CADPS2: variants seen among roughly 807,000 people sequenced by gnomAD.
The protein encoded by CADPS2 is calcium dependent secretion activator 2.
CADPS2 carries 93 observed loss-of-function variants against 172.5 expected under a neutral mutation model. The ratio of observed to expected loss-of-function variants is 0.54; its 90% CI spans 0.46 to 0.64. CADPS2 has a LOEUF of 0.64. CADPS2 is among the 30% of genes least tolerant of loss of function. The probability of loss-of-function intolerance (pLI) is 0.00; values close to 1 mark genes in which losing one functional copy is unlikely to be tolerated. For missense variants in CADPS2, 1,420 were observed against 1,565.9 expected, an observed-to-expected ratio of 0.91 and a Z score of 1.57; for synonymous variants, 546 against 555.2, an observed-to-expected ratio of 0.98 and a Z score of 0.23.
intron 1 of CADPS2, among the ~76,000 whole-genome samples, chr7:122,854,196 C>CA: frequency 6.6e-6 from 1 of 151,922 alleles, no homozygotes; most frequent in Non-Finnish European, 1.5e-5. Flanking sequence ...CTGGTCTCCA[C>CA]AAAAAATACA....
At chr7:122,547,885 C>G (rs976979470) in intron 8 of CADPS2, among the ~76,000 whole-genome samples, 3 of 152,094 alleles carry the variant, frequency 2.0e-5, no homozygotes, top group Admixed American at 1.3e-4. Flanking sequence ...TAGAGTAGAG[C>G]TGGCAAAGGT....
intron 3 of CADPS2, among the ~76,000 whole-genome samples, chr7:122,636,294 T>C (rs2077054546): frequency 6.6e-6 from 1 of 152,118 alleles, no homozygotes; most frequent in African/African-American, 2.4e-5. Context: ...TAGTCTAGTG[T>C]TAATGAATTC....
intron 17 of CADPS2, among the ~76,000 whole-genome samples, chr7:122,425,123 G>A (rs1436725343): frequency 6.6e-6 from 1 of 151,952 alleles, no homozygotes; most frequent in East Asian, 1.9e-4. Context: ...AGTAGCTGGA[G>A]GAGTGCACCA....
At chr7:122,679,343 A>G (rs1322381783) in intron 2 of CADPS2, among the ~76,000 whole-genome samples, 7 of 142,894 alleles carry the variant, frequency 4.9e-5, no homozygotes, top group Admixed American at 7.7e-5. Context: ...AACATGCCCT[A>G]CTCTCCTGCA....
chr7:122,622,162 C>G (rs1214860003), intron 4 of CADPS2, among the ~76,000 whole-genome samples: 1 of 152,082 alleles, frequency 6.6e-6, no homozygotes, highest in East Asian at 1.9e-4. Context: ...AATTTCTTAC[C>G]ACAGATATGC....
At chr7:122,670,463 C>T (rs1249856856) in intron 2 of CADPS2, among the ~76,000 whole-genome samples, 1 of 148,756 alleles carries the variant, frequency 6.7e-6, no homozygotes, top group Non-Finnish European at 1.5e-5. Flanking sequence ...CCCAGCCACT[C>T]GGGAGGCCAA....
At chr7:122,571,926 T>C (rs1245205308) in intron 7 of CADPS2, among the ~76,000 whole-genome samples, 2 of 152,178 alleles carry the variant, frequency 1.3e-5, no homozygotes, top group Non-Finnish European at 2.9e-5. Flanking sequence ...TAATTAACTA[T>C]ACTAATTTTT....
intron 8 of CADPS2, among the ~76,000 whole-genome samples, chr7:122,546,936 C>A (rs1020616448): frequency 6.6e-6 from 1 of 151,898 alleles, no homozygotes; most frequent in Admixed American, 6.6e-5. Context: ...AAAGTGTACA[C>A]CAAATAGAAT....
intron 8 of CADPS2, among the ~76,000 whole-genome samples, chr7:122,528,463 A>T (rs959712092): frequency 1.3e-5 from 2 of 152,130 alleles, no homozygotes; most frequent in African/African-American, 4.8e-5. Flanking sequence ...CCAACTAACA[A>T]ATTCTAGACT....
chr7:122,508,453 T>TG (rs2059782412), intron 9 of CADPS2, among the ~76,000 whole-genome samples: 1 of 109,364 alleles, frequency 9.1e-6, no homozygotes, highest in Non-Finnish European at 1.8e-5. Flanking sequence ...ATTTAAGTTT[T>TG]TTTTTTTTTT....
chr7:122,873,564 CTA>C (rs1820401772), intron 1 of CADPS2, among the ~76,000 whole-genome samples: 1 of 152,156 alleles, frequency 6.6e-6, no homozygotes, highest in African/African-American at 2.4e-5. Context: ...TTTATCCAGT[CTA>C]TGATTGATGG....
At chr7:122,630,360 C>T (rs1350213923) in intron 3 of CADPS2, among the ~76,000 whole-genome samples, 1 of 147,544 alleles carries the variant, frequency 6.8e-6, no homozygotes, top group Non-Finnish European at 1.5e-5. Flanking sequence ...GGTGGTAAGG[C>T]AATTTATATG....
intron 1 of CADPS2, among the ~76,000 whole-genome samples, chr7:122,775,377 G>T (rs2093846074): frequency 6.6e-6 from 1 of 152,218 alleles, no homozygotes; most frequent in Non-Finnish European, 1.5e-5. Context: ...CCCATGGGCT[G>T]TCTTTGCTGC....
At chr7:122,645,327 A>ATG (rs1563947090) in intron 3 of CADPS2, among the ~76,000 whole-genome samples, 1 of 109,640 alleles carries the variant, frequency 9.1e-6, no homozygotes, top group African/African-American at 2.9e-5. Context: ...ATACATGTAC[A>ATG]TATATACACA....
Position 122,514,478 on chromosome 7 carries a change from GC to G in CADPS2, c.1476-1164del, listed in dbSNP as rs375631522. On this transcript the variant is annotated intron_variant, in intron 8 of 29. Coordinates refer to ENST00000449022, the MANE Select transcript of CADPS2 (RefSeq NM_017954.11). ...GCAAAACATAACAAACATACTGTTT[GC>G]CCCCCTCCCCCCTTTAGAAACAGTG... Among the ~76,000 whole-genome samples the G allele has an allele frequency of 2.4e-3, 362 of 151,820 alleles. 2 individuals are homozygous for G. The highest frequency in any genetic ancestry group is 8.3e-3 in the African/African-American group (342 of 41,394).
At chr7:122,393,058 A>C in intron 22 of CADPS2, 138 bp downstream of exon 22, 1 of 1,012,174 alleles carries the variant, frequency 9.9e-7, no homozygotes. Flanking sequence ...TAGCTTAAAA[A>C]CTCAAATAAA....
intron 17 of CADPS2, among the ~76,000 whole-genome samples, chr7:122,432,987 T>C (rs2151907514): frequency 6.6e-6 from 1 of 152,174 alleles, no homozygotes; most frequent in African/African-American, 2.4e-5. Context: ...ATAATATATT[T>C]TTTGGAGACA....
chr7:122,830,019 A>AT (rs992601362), intron 1 of CADPS2, among the ~76,000 whole-genome samples: 4 of 122,336 alleles, frequency 3.3e-5, no homozygotes, highest in African/African-American at 7.7e-5. Context: ...ACAATATCAT[A>AT]TTAAAAAAAA....
chr7:122,552,900 T>G (rs1246983632), intron 8 of CADPS2, among the ~76,000 whole-genome samples: 1 of 151,828 alleles, frequency 6.6e-6, no homozygotes, highest in Non-Finnish European at 1.5e-5. Context: ...ACTCTACTAG[T>G]CTCTAAGCAC....
Sources: allele counts gnomAD v4.1 joint callset (sites outside exome capture counted in the v4.1 genomes callset), GRCh38; gene constraint gnomAD v4.1.1; transcripts MANE v1.5; gene names NCBI Gene and HGNC (gene_info 2026-07-23, HGNC 2026-07-21).